Variants in LTBP1 observed in about 807,000 individuals in gnomAD.
LTBP1 encodes the protein latent transforming growth factor beta binding protein 1, also known as latent-transforming growth factor beta-binding protein 1.
LTBP1 carries 129 observed loss-of-function variants against 207.6 expected under a neutral mutation model. The observed-to-expected ratio is 0.62, with a 90% CI of 0.54 to 0.72. The LOEUF is 0.72. Ranked by LOEUF, LTBP1 falls within the 30% of genes least tolerant of loss-of-function variation. LTBP1 has a pLI of 0.00. For missense variants in LTBP1, 2,281 were observed against 2,217.2 expected (o/e 1.03, Z -0.58); for synonymous variants, 963 against 833.7 (o/e 1.16, Z -2.67).
chr2:33,133,864 G>A (rs374810108), intron 4 of LTBP1, among the ~76,000 whole-genome samples: 7 of 152,164 alleles, frequency 4.6e-5, no homozygotes, highest in African/African-American at 1.4e-4. Context: ...TGGCATGTCC[G>A]GAGTCACACC....
At chr2:33,314,262 C>T (rs375827939) in intron 23 of LTBP1, among the ~76,000 whole-genome samples, 1 of 152,164 alleles carries the variant, frequency 6.6e-6, no homozygotes, top group East Asian at 1.9e-4. Context: ...TCTAAAAGTC[C>T]TTCTCAGCCA....
chr2:33,091,238 A>G (rs1010379315), intron 3 of LTBP1, among the ~76,000 whole-genome samples: 1 of 152,158 alleles, frequency 6.6e-6, no homozygotes, highest in African/African-American at 2.4e-5. Context: ...ATCTCCTCCC[A>G]TGGACACTTC....
chr2:32,956,203 A>G (rs1426605441), intron 2 of LTBP1, among the ~76,000 whole-genome samples: 1 of 152,182 alleles, frequency 6.6e-6, no homozygotes. Flanking sequence ...TCTTTAAAAT[A>G]AGAAAATGAT....
At chr2:33,382,261 A>C (rs111709116) in intron 31 of LTBP1, among the ~76,000 whole-genome samples, 71 of 151,148 alleles carry the variant, frequency 4.7e-4, no homozygotes, top group African/African-American at 1.6e-3. Context: ...CGCCTGGCTA[A>C]TTTTTGTATT....
At chr2:33,293,963 G>T (rs2093823025) in intron 20 of LTBP1, among the ~76,000 whole-genome samples, 1 of 125,788 alleles carries the variant, frequency 7.9e-6, no homozygotes, top group Non-Finnish European at 1.7e-5. Flanking sequence ...AAAATTTTCA[G>T]CTTCTCATTA....
chr2:33,288,578 A>C (rs985631936), intron 19 of LTBP1, among the ~76,000 whole-genome samples: 1 of 152,178 alleles, frequency 6.6e-6, no homozygotes, highest in African/African-American at 2.4e-5. Flanking sequence ...GTTGGAGGCC[A>C]GGTGCGGTGG....
chr2:33,176,224 T>C (rs1450966620), intron 5 of LTBP1, among the ~76,000 whole-genome samples: 1 of 107,426 alleles, frequency 9.3e-6, no homozygotes, highest in African/African-American at 3.5e-5. Flanking sequence ...GTTAATTAAT[T>C]AATCTATTTA....
chr2:33,360,874 A>G, intron 27 of LTBP1, 95 bp downstream of exon 27: 1 of 1,081,098 alleles, frequency 9.2e-7, no homozygotes, highest in Non-Finnish European at 1.4e-6. Flanking sequence ...CAGCCAACTC[A>G]AGGCGACTTA....
At chr2:33,108,093 A>C (rs1380311697) in intron 3 of LTBP1, among the ~76,000 whole-genome samples, 1 of 152,228 alleles carries the variant, frequency 6.6e-6, no homozygotes, top group Admixed American at 6.5e-5. Flanking sequence ...GTGGACACCA[A>C]CCACGAAGGA....
At chr2:33,070,841 C>T (rs1199111467) in intron 3 of LTBP1, among the ~76,000 whole-genome samples, 1 of 152,092 alleles carries the variant, frequency 6.6e-6, no homozygotes, top group African/African-American at 2.4e-5. Flanking sequence ...GTTTAGTAGT[C>T]AGGGGAATAG....
rs773779756 is a variant in LTBP1, at chr2:33,273,794, T to C, written c.2743+13T>C. On this transcript the variant is annotated intron_variant, in intron 16 of 33. Coordinates refer to ENST00000404816, the MANE Select transcript of LTBP1 (RefSeq NM_206943.4). ...AGGAAATGTGTGGGTAAGAGACAAT[T>C]TGATTGACTAAATTATTAAATATCA... 1.3e-6 allele frequency: 2 copies of C among 1,579,176 alleles called. No homozygotes were observed. Among genetic ancestry groups the C allele is most frequent in the East Asian group, 4.6e-5 (2 of 43,934 alleles).
At chr2:33,243,833 G>C in intron 10 of LTBP1, 49 bp downstream of exon 10, 1 of 1,606,286 alleles carries the variant, frequency 6.2e-7, no homozygotes. Context: ...TTGTCTTTGG[G>C]GTTTTTCCAA....
intron 24 of LTBP1, among the ~76,000 whole-genome samples, chr2:33,337,537 C>G (rs1315721774): frequency 1.3e-5 from 2 of 152,048 alleles, no homozygotes; most frequent in African/African-American, 4.8e-5. Flanking sequence ...TTATATCTGC[C>G]TTCTTCAGTA....
In LTBP1 at chr2:33,071,385, C is replaced by T. The variant is rs371072950; in HGVS notation, c.864-39197C>T. On this transcript the variant is annotated intron_variant, in intron 3 of 33. Transcript: ENST00000404816. The stretch of plus-strand genomic sequence containing the variant: ...AGAAGTGATGTCCCATCATGTTTGT[C>T]ATATTTTATTCATTAGAAATGAGTC... Among the ~76,000 whole-genome samples the T allele has an allele frequency of 2.6e-4, 40 of 152,328 alleles. 1 individual carries two copies. In the East Asian group the frequency reaches 6.2e-3, roughly 24 times the overall value.
At chr2:33,227,803 T>A (rs2091530315) in intron 9 of LTBP1, among the ~76,000 whole-genome samples, 1 of 106,784 alleles carries the variant, frequency 9.4e-6, no homozygotes, top group African/African-American at 4.9e-5. Flanking sequence ...GAAGCTCTTT[T>A]TTTTTTTTTT....
At chr2:33,203,987 G>C (rs2089607977) in intron 7 of LTBP1, among the ~76,000 whole-genome samples, 1 of 152,222 alleles carries the variant, frequency 6.6e-6, no homozygotes, top group South Asian at 2.1e-4. Context: ...TCTGGGCTCT[G>C]ATGGTCTGAT....
At position 33,178,834 on chromosome 2, in the gene LTBP1, CT is replaced by C. The variant is rs566072618; in HGVS notation, c.1202-8021del. Among the ~76,000 whole-genome samples, 9 of 152,254 alleles carry C rather than the reference CT, an allele frequency of 5.9e-5. No homozygotes were observed. In the South Asian group the frequency reaches 1.9e-3, roughly 32 times the overall value. ...TGGAGGAACTTCCTTGTAATGATGT[CT>C]GTCCACCCCCAACATTTTTGTAGGT... On this transcript the variant is annotated intron_variant, in intron 5 of 33. Coordinates refer to ENST00000404816, the MANE Select transcript of LTBP1 (RefSeq NM_206943.4).
chr2:33,032,164 C>G (rs1400485997), intron 3 of LTBP1, among the ~76,000 whole-genome samples: 1 of 152,090 alleles, frequency 6.6e-6, no homozygotes, highest in Non-Finnish European at 1.5e-5. Flanking sequence ...GTAATCTTAT[C>G]CTCTTTAGGA....
At chr2:33,030,463 A>C (rs929461850) in intron 3 of LTBP1, among the ~76,000 whole-genome samples, 2 of 152,202 alleles carry the variant, frequency 1.3e-5, no homozygotes, top group African/African-American at 4.8e-5. Context: ...AGGAGCTAAA[A>C]AAAATTCAGA....
Sources: gnomAD v4.1 joint callset for allele counts (sites outside exome capture counted in the v4.1 genomes callset) on GRCh38, gnomAD v4.1.1 for gene constraint, MANE v1.5 for transcripts, NCBI Gene and HGNC (gene_info 2026-07-23, HGNC 2026-07-21) for gene names.